RSRC1: variants seen among roughly 807,000 people sequenced by gnomAD.
The protein encoded by RSRC1 is arginine and serine rich coiled-coil 1, also known as serine/Arginine-related protein 53.
Under a neutral mutation model 49.1 loss-of-function variants are expected in RSRC1, and 39 were observed. That is an observed-to-expected ratio of 0.79 (90% CI 0.61 to 1.04). RSRC1 has a LOEUF of 1.04. RSRC1 is among the 50% of genes least tolerant of loss of function. The probability of loss-of-function intolerance (pLI) is 0.00; values close to 1 mark genes in which losing one functional copy is unlikely to be tolerated. For synonymous variants in RSRC1, 143 were observed against 130.8 expected (o/e 1.09, Z -0.63); for missense variants, 388 against 402.4 (o/e 0.96, Z 0.31).
At chr3:158,173,852 C>T (rs1466145031) in intron 3 of RSRC1, among the ~76,000 whole-genome samples, 9 of 151,496 alleles carry the variant, frequency 5.9e-5, no homozygotes, top group Non-Finnish European at 1.5e-5. Context: ...AAGCCAAGTT[C>T]AAGAAATCAC....
chr3:158,359,000 A>G (rs933470981), intron 6 of RSRC1, among the ~76,000 whole-genome samples: 2 of 151,628 alleles, frequency 1.3e-5, no homozygotes, highest in Admixed American at 1.3e-4. Flanking sequence ...CCTTTATTCT[A>G]TTGTGAGTAC....
In RSRC1 at chr3:158,354,863, G is replaced by A. The variant is rs371406316; in HGVS notation, c.538G>A (p.Ala180Thr). The stretch of plus-strand genomic sequence containing the variant: ...TTTTTTTTTTCTTTTTTAGCCACCA[G>A]CTGAACAGGCCAAAGCCAGACTACA... ...IKAGLEHLPP[A>T]EQAKARLQLV... is the part of the protein sequence containing the mutation. Residue 180 changes from alanine to threonine, a missense_variant, in exon 6 of 10, where the codon GCT (alanine) becomes ACT (threonine). By Grantham distance (58) the Ala-to-Thr change is moderately conservative. Transcript: ENST00000611884. The A allele has an allele frequency of 1.5e-5, 24 of 1,551,498 alleles. No homozygotes were observed. Among genetic ancestry groups the A allele is most frequent in the Non-Finnish European group, 1.8e-5 (21 of 1,151,532 alleles).
intron 3 of RSRC1, among the ~76,000 whole-genome samples, chr3:158,168,428 A>G (rs1388096047): frequency 6.6e-6 from 1 of 152,232 alleles, no homozygotes; most frequent in Non-Finnish European, 1.5e-5. Context: ...TAAAAAATTA[A>G]CTGATGTCAC....
intron 4 of RSRC1, among the ~76,000 whole-genome samples, chr3:158,279,738 T>C (rs923205259): frequency 1.3e-5 from 2 of 152,242 alleles, no homozygotes; most frequent in South Asian, 2.1e-4. Flanking sequence ...GTCTTTCTTA[T>C]ATGCAGTGGT....
chr3:158,275,896 C>T (rs1008970077), intron 4 of RSRC1: 9 of 678,712 alleles, frequency 1.3e-5, no homozygotes, highest in South Asian at 3.0e-5. Flanking sequence ...ACTTATGGCC[C>T]TTTCAAAGGC....
intron 3 of RSRC1, among the ~76,000 whole-genome samples, chr3:158,131,253 A>G (rs1193965030): frequency 6.6e-6 from 1 of 151,854 alleles, no homozygotes; most frequent in Non-Finnish European, 1.5e-5. Context: ...GAACACCACC[A>G]TATTTCTTAT....
intron 4 of RSRC1, among the ~76,000 whole-genome samples, chr3:158,266,917 T>C (rs1725221292): frequency 6.6e-6 from 1 of 151,974 alleles, no homozygotes; most frequent in Non-Finnish European, 1.5e-5. Context: ...GAACACACCA[T>C]TGTACCCAGC....
At chr3:158,141,958 C>T (rs1455688293) in intron 3 of RSRC1, among the ~76,000 whole-genome samples, 4 of 152,040 alleles carry the variant, frequency 2.6e-5, no homozygotes, top group Admixed American at 2.6e-4. Context: ...ATTAGCCGGG[C>T]GTGGTGGTGC....
chr3:158,174,591 T>C (rs1290224079), intron 3 of RSRC1, among the ~76,000 whole-genome samples: 1 of 151,900 alleles, frequency 6.6e-6, no homozygotes, highest in East Asian at 1.9e-4. Context: ...AGTTTTGGCG[T>C]TTTTGAACTT....
At chr3:158,419,463 G>C (rs1016429632) in intron 6 of RSRC1, among the ~76,000 whole-genome samples, 4 of 151,926 alleles carry the variant, frequency 2.6e-5, no homozygotes, top group Non-Finnish European at 4.4e-5. Flanking sequence ...CTTGAGTTCT[G>C]TTTTTGTTCA....
intron 5 of RSRC1, among the ~76,000 whole-genome samples, chr3:158,305,743 C>A (rs1172025566): frequency 6.6e-6 from 1 of 152,028 alleles, no homozygotes; most frequent in Admixed American, 6.6e-5. Flanking sequence ...ATAATAGCAT[C>A]GGTATTTAAT....
In RSRC1 at chr3:158,123,987, A is replaced by G; in HGVS notation, c.316A>G (p.Arg106Gly). ...VQRSRSKSRT[R>G]RSRSRPRLRS... ...GAGGTCTAGGTCAAAAAGCAGAACA[A>G]GAAGGTATGCCTTATTAAGTATTTA... The change falls in exon 3 of 10, where the codon AGA becomes GGA. Residue 106 changes from arginine to glycine, a missense_variant. Physicochemically the swap from Arg to Gly is moderately radical, Grantham distance 125. Coordinates refer to ENST00000611884, the MANE Select transcript of RSRC1 (RefSeq NM_001271838.2). The G allele has an allele frequency of 6.3e-7, 1 of 1,594,358 alleles. No homozygotes were observed. Among genetic ancestry groups the G allele is most frequent in the Non-Finnish European group, 8.5e-7 (1 of 1,170,912 alleles).
At chr3:158,184,478 GTT>G (rs1251157567) in intron 3 of RSRC1, among the ~76,000 whole-genome samples, 2 of 152,112 alleles carry the variant, frequency 1.3e-5, no homozygotes, top group Non-Finnish European at 2.9e-5. Context: ...CCATTGAGAT[GTT>G]TCATGCCTGA....
chr3:158,153,367 T>G (rs1578140400), intron 3 of RSRC1, among the ~76,000 whole-genome samples: 1 of 152,294 alleles, frequency 6.6e-6, no homozygotes. Context: ...ATTTTCTGCT[T>G]CTTTTCTTGA....
chr3:158,201,752 A>G (rs1721060121), intron 3 of RSRC1, among the ~76,000 whole-genome samples: 1 of 152,140 alleles, frequency 6.6e-6, no homozygotes, highest in Non-Finnish European at 1.5e-5. Context: ...TTATAAGCCT[A>G]GTTACACTTA....
chr3:158,414,989 A>T (rs898152302), intron 6 of RSRC1, among the ~76,000 whole-genome samples: 6 of 152,156 alleles, frequency 3.9e-5, no homozygotes, highest in African/African-American at 1.4e-4. Flanking sequence ...GAATTTGTTC[A>T]GGTTTAACTC....
chr3:158,118,157 C>T (rs541960131), intron 1 of RSRC1, among the ~76,000 whole-genome samples: 11 of 152,194 alleles, frequency 7.2e-5, no homozygotes, highest in African/African-American at 1.9e-4. Flanking sequence ...ACCATGTTGG[C>T]GGGGCTGGTC....
At chr3:158,300,294 T>G (rs1578307854) in intron 5 of RSRC1, among the ~76,000 whole-genome samples, 1 of 152,220 alleles carries the variant, frequency 6.6e-6, no homozygotes, top group African/African-American at 2.4e-5. Flanking sequence ...AACTTTATGT[T>G]GTAATCGACC....
chr3:158,456,024 C>CAAT (rs927832613), intron 6 of RSRC1, among the ~76,000 whole-genome samples: 2 of 119,874 alleles, frequency 1.7e-5, no homozygotes, highest in African/African-American at 5.8e-5. Context: ...AGGAGCAACA[C>CAAT]AATTTTTGTA....
Sources: allele counts gnomAD v4.1 joint callset (sites outside exome capture counted in the v4.1 genomes callset), GRCh38; gene constraint gnomAD v4.1.1; transcripts MANE v1.5; gene names NCBI Gene and HGNC (gene_info 2026-07-23, HGNC 2026-07-21).